RELL1: variants seen among roughly 807,000 people sequenced by gnomAD.
The protein encoded by RELL1 is RELT like 1.
Under a neutral mutation model 23.0 loss-of-function variants are expected in RELL1, and 10 were observed. The ratio of observed to expected loss-of-function variants is 0.43; its 90% CI spans 0.27 to 0.74. RELL1 has a LOEUF of 0.74. Among genes scored for constraint, RELL1 ranks in the 30% least tolerant of loss-of-function variants. The pLI is 0.19. For missense variants in RELL1, 315 were observed against 364.4 expected (o/e 0.86, Z 1.10); for synonymous variants, 146 against 146.8 (o/e 0.99, Z 0.04).
downstream of RELL1, among the ~76,000 whole-genome samples, chr4:37,609,345 A>G (rs1287988596): frequency 6.6e-6 from 1 of 152,222 alleles, no homozygotes; most frequent in Non-Finnish European, 1.5e-5. Context: ...CTGCTCAGAA[A>G]AAAAGATTCC....
chr4:37,621,227 C>G (rs1417673915), intron 6 of RELL1, among the ~76,000 whole-genome samples: 1 of 152,146 alleles, frequency 6.6e-6, no homozygotes, highest in Non-Finnish European at 1.5e-5. Context: ...GAGGCCGAGG[C>G]AGGCAGATCA....
chr4:37,602,592 T>A (rs1379056513), intron 6 of RELL1, among the ~76,000 whole-genome samples: 1 of 152,046 alleles, frequency 6.6e-6, no homozygotes, highest in Non-Finnish European at 1.5e-5. Flanking sequence ...TGGACGCATG[T>A]AGACCCTTCA....
chr4:37,685,881 G>A (rs964600623), intron 1 of RELL1, among the ~76,000 whole-genome samples: 1 of 152,244 alleles, frequency 6.6e-6, no homozygotes, highest in Admixed American at 6.5e-5. Context: ...CGAGGCGAGC[G>A]GCCGTGGAGG....
chr4:37,632,097 A>AAAC (rs1720160656), intron 5 of RELL1, among the ~76,000 whole-genome samples: 1 of 150,472 alleles, frequency 6.6e-6, no homozygotes, highest in African/African-American at 2.5e-5. Flanking sequence ...AAAAAAAAAA[A>AAAC]AAAAAAAAAA....
intron 6 of RELL1, among the ~76,000 whole-genome samples, chr4:37,598,166 T>A (rs1718924574): frequency 7.4e-6 from 1 of 135,654 alleles, no homozygotes; most frequent in Non-Finnish European, 1.5e-5. Context: ...TTTTGTTGGT[T>A]GGCTGCAAAT....
intron 1 of RELL1, among the ~76,000 whole-genome samples, chr4:37,672,495 T>C (rs1721866121): frequency 6.6e-6 from 1 of 152,210 alleles, no homozygotes; most frequent in Admixed American, 6.5e-5. Context: ...GATGCAGCAC[T>C]GAACCAGTGT....
rs1560328418 is a variant in RELL1, at chr4:37,612,342, A to AAAAAAAC, written c.*997_*1003dup. Among the ~76,000 whole-genome samples the AAAAAAAC allele has an allele frequency of 4.5e-5, 6 of 131,938 alleles. No individual in the cohort carries two copies. The highest frequency in any genetic ancestry group is 2.1e-4 in the East Asian group (1 of 4,736). The allele number at this position is 131,938 out of a possible 152,430, so 86.6% of individuals were successfully genotyped here. A position where few individuals can be genotyped will look rare whatever the true frequency, so the allele number is the denominator to read the frequency against. ...AAGGTTAAAAAAAAAAAAAAAACAA[A>AAAAAAAC]AAAAAACAAAAAACCGGGTGCAGTG... is the stretch of plus-strand genomic sequence containing the variant. On this transcript the variant is annotated 3_prime_UTR_variant, in exon 7 of 7. Transcript: ENST00000454158.
At chr4:37,606,300 A>G (rs990946214), downstream of RELL1, among the ~76,000 whole-genome samples, 1 of 152,212 alleles carries the variant, frequency 6.6e-6, no homozygotes, top group Non-Finnish European at 1.5e-5. This position sits in a 1 kb window ranked among gnomAD's most constrained non-coding sequence, Gnocchi z 4.1. Context: ...ATGGAACCAC[A>G]TCAAGGGACA....
intron 1 of RELL1, among the ~76,000 whole-genome samples, chr4:37,685,280 G>A (rs759583557): frequency 2.6e-5 from 4 of 152,144 alleles, no homozygotes; most frequent in Non-Finnish European, 4.4e-5. Flanking sequence ...ATCAAGCTTG[G>A]AAGAGCTTGC....
At position 37,599,358 on chromosome 4, in the gene RELL1, T is replaced by C. The variant is rs147305048; in HGVS notation, c.*4-8141A>G. Among the ~76,000 whole-genome samples the C allele has an allele frequency of 1.7e-3, 263 of 152,212 alleles. 1 individual carries two copies. Among genetic ancestry groups the C allele is most frequent in the African/African-American group, 5.9e-3 (247 of 41,532 alleles). On this transcript the variant is annotated intron_variant, in intron 6 of 6. Transcript: ENST00000314117. ...TTTGGGGCTAGGCATTTTAAAGGGT[T>C]TGGAGTAAGCCTAAGTGTGGTGATA...
intron 6 of RELL1, among the ~76,000 whole-genome samples, chr4:37,619,487 C>A (rs1719696896): frequency 1.3e-5 from 2 of 152,074 alleles, no homozygotes; most frequent in South Asian, 4.1e-4. Flanking sequence ...AGCCCCTGCA[C>A]CCTTTTAACC....
chr4:37,593,809 C>T (rs528968314), intron 6 of RELL1, among the ~76,000 whole-genome samples: 2 of 152,284 alleles, frequency 1.3e-5, no homozygotes, highest in East Asian at 3.9e-4. Context: ...TTCAGTGTGA[C>T]ACCAAAGGGG....
chr4:37,652,893 G>A (rs1179861569), intron 1 of RELL1, among the ~76,000 whole-genome samples: 1 of 152,114 alleles, frequency 6.6e-6, no homozygotes, highest in African/African-American at 2.4e-5. Flanking sequence ...CTCAGACCTG[G>A]CAGAAATAAC....
At chr4:37,607,458 G>A (rs1183311488), downstream of RELL1, among the ~76,000 whole-genome samples, 1 of 152,142 alleles carries the variant, frequency 6.6e-6, no homozygotes, top group Non-Finnish European at 1.5e-5. Flanking sequence ...GCACTTTGCT[G>A]TAGTGTGCTT....
chr4:37,654,186 T>C (rs11932379), intron 1 of RELL1, among the ~76,000 whole-genome samples: 5,597 of 152,346 alleles, frequency 0.037, 111 homozygotes, highest in Non-Finnish European at 0.052. Context: ...AGATAGCCAC[T>C]AGCCACATGT....
intron 6 of RELL1, among the ~76,000 whole-genome samples, chr4:37,599,421 C>G (rs1475877621): frequency 6.6e-6 from 1 of 152,056 alleles, no homozygotes; most frequent in Non-Finnish European, 1.5e-5. Context: ...AGTCATGGGA[C>G]AGGGTGATGA....
chr4:37,663,161 CT>C (rs1721414124), intron 1 of RELL1, among the ~76,000 whole-genome samples: 2 of 152,176 alleles, frequency 1.3e-5, no homozygotes, highest in African/African-American at 4.8e-5. Flanking sequence ...CTCTCCCCAT[CT>C]TCTTTTCCTG....
chr4:37,639,731 A>G (rs1356429866), intron 3 of RELL1, among the ~76,000 whole-genome samples: 1 of 152,240 alleles, frequency 6.6e-6, no homozygotes, highest in Non-Finnish European at 1.5e-5. Context: ...TTTCTGAAGC[A>G]CTGTTCTCAT....
At chr4:37,662,812 T>C (rs1721401475) in intron 1 of RELL1, among the ~76,000 whole-genome samples, 1 of 148,858 alleles carries the variant, frequency 6.7e-6, no homozygotes, top group Non-Finnish European at 1.5e-5. Flanking sequence ...AAGCTCCGTC[T>C]TGGGAGGAAA....
Sources: gnomAD v4.1 joint callset for allele counts (sites outside exome capture counted in the v4.1 genomes callset) on GRCh38, gnomAD v4.1.1 for gene constraint, Gnocchi (gnomAD v3.1) non-coding constraint, MANE v1.5 for transcripts, NCBI Gene and HGNC (gene_info 2026-07-23, HGNC 2026-07-21) for gene names.